Variants in MPG observed in about 807,000 individuals in gnomAD.
The protein encoded by MPG is N-methylpurine DNA glycosylase.
A neutral mutation model predicts 31.7 loss-of-function variants in MPG; 33 were observed. The ratio of observed to expected loss-of-function variants is 1.04; its 90% CI spans 0.79 to 1.39. The LOEUF (loss-of-function observed/expected upper bound fraction) is 1.39, where lower values mean the gene tolerates loss of function less well. Ranked by LOEUF, MPG falls within the 40% of genes most tolerant of loss-of-function variation. MPG has a pLI of 0.00. For synonymous variants in MPG, 202 were observed against 169.2 expected (o/e 1.19, Z -1.51); for missense variants, 455 against 415.5 (o/e 1.10, Z -0.83).
chr16:80,085 G>T (rs181061217), intron 2 of MPG, among the ~76,000 whole-genome samples: 1 of 152,368 alleles, frequency 6.6e-6, no homozygotes, highest in Non-Finnish European at 1.5e-5. Flanking sequence ...TCACAGTGCA[G>T]TGCTGGCTTC....
At position 78,290 on chromosome 16, in the gene MPG, G is replaced by A; in HGVS notation, c.-20G>A. ...CGCGCCGGGGTCCGAGTCCCACGAA[G>A]CCCCGGCCCGAGCCGCCGGATGCCC... On this transcript the variant is annotated 5_prime_UTR_variant, in exon 1 of 4. Coordinates refer to ENST00000356432, the MANE Select transcript of MPG (RefSeq NM_001015052.3). 5.2e-6 allele frequency: 7 copies of A among 1,348,788 alleles called. No individual in the cohort carries two copies. Among genetic ancestry groups the A allele is most frequent in the African/African-American group, 1.5e-5 (1 of 65,586 alleles). The allele number at this position is 1,348,788 out of a possible 1,614,324, so 83.6% of individuals were successfully genotyped here.
In MPG at chr16:85,629, A is replaced by G; in HGVS notation, c.734A>G (p.Glu245Gly). The change falls in exon 4 of 4, where the codon GAG becomes GGG. Residue 245 changes from glutamate to glycine, a missense_variant. Transcript: ENST00000356432. ...EAVWLERGPL[E>G]PSEPAVVAAA... The stretch of plus-strand genomic sequence containing the variant: ...GTATGGCTGGAGCGTGGTCCCCTGG[A>G]GCCCAGTGAGCCGGCTGTAGTGGCA... The G allele has an allele frequency of 6.3e-7, 1 of 1,596,044 alleles. No homozygotes were observed. Among genetic ancestry groups the G allele is most frequent in the Non-Finnish European group, 8.6e-7 (1 of 1,167,076 alleles).
At chr16:81,914 G>A (rs1238501131) in intron 2 of MPG, among the ~76,000 whole-genome samples, 25 of 105,000 alleles carry the variant, frequency 2.4e-4, no homozygotes, top group African/African-American at 6.4e-4. Flanking sequence ...TGCTCCCCGC[G>A]CTGACCCCTT....
In MPG at chr16:79,474, A is replaced by G; in HGVS notation, c.74A>G (p.Gln25Arg). ...QKKQRPARAGQPHSSSDAAQA... is the reference protein window; with the variant it reads ...QKKQRPARAGRPHSSSDAAQA... ...AAGCAGCGACCAGCTAGAGCAGGGC[A>G]GCCACACAGCTCGTCCGACGCAGCC... Residue 25 changes from glutamine (Q) to arginine (R), a missense_variant, in exon 2 of 4, where the codon CAG becomes CGG. Coordinates refer to ENST00000356432, the MANE Select transcript of MPG (RefSeq NM_001015052.3). 1 of 1,612,784 alleles carries G rather than the reference A, an allele frequency of 6.2e-7. No homozygotes were observed. Among genetic ancestry groups the G allele is most frequent in the Non-Finnish European group, 8.5e-7 (1 of 1,179,812 alleles).
Sources: allele counts gnomAD v4.1 joint callset (sites outside exome capture counted in the v4.1 genomes callset), GRCh38; gene constraint gnomAD v4.1.1; transcripts MANE v1.5; gene names NCBI Gene and HGNC (gene_info 2026-07-23, HGNC 2026-07-21).